NECTIN3: variants seen among roughly 807,000 people sequenced by gnomAD.
The protein encoded by NECTIN3 is nectin-3.
A neutral mutation model predicts 49.4 loss-of-function variants in NECTIN3; 8 were observed. The observed-to-expected ratio is 0.16, with a 90% CI of 0.10 to 0.29. NECTIN3 has a LOEUF of 0.29. NECTIN3 is among the 10% of genes least tolerant of loss of function. The probability of loss-of-function intolerance (pLI) is 1.00; values close to 1 mark genes in which losing one functional copy is unlikely to be tolerated. For synonymous variants in NECTIN3, 277 were observed against 241.1 expected, an observed-to-expected ratio of 1.15 and a Z score of -1.38; for missense variants, 581 against 654.6, an observed-to-expected ratio of 0.89 and a Z score of 1.23.
intron 5 of NECTIN3, among the ~76,000 whole-genome samples, chr3:111,128,416 C>T (rs1445570572): frequency 2.6e-5 from 4 of 151,794 alleles, no homozygotes; most frequent in African/African-American, 9.7e-5. Flanking sequence ...TAAATTTATA[C>T]TCTTTTATCA....
intron 7 of NECTIN3, among the ~76,000 whole-genome samples, chr3:111,164,085 A>G (rs901960096): frequency 1.3e-5 from 2 of 152,180 alleles, no homozygotes; most frequent in Non-Finnish European, 2.9e-5. Flanking sequence ...TTTGTATTTC[A>G]TAATTGATAT....
intron 7 of NECTIN3, among the ~76,000 whole-genome samples, chr3:111,187,293 C>T (rs1455187445): frequency 1.3e-5 from 2 of 152,134 alleles, no homozygotes; most frequent in Non-Finnish European, 1.5e-5. Context: ...GTCCCAGCTA[C>T]TTGGGAGGCT....
rs980069177 is a variant in NECTIN3 at position 111,136,980 on chromosome 3, G to A, written c.*2765G>A. On this transcript the variant is annotated 3_prime_UTR_variant, in exon 6 of 6. Transcript: ENST00000485303. ...GGTTCTATTTGCTAACTCTAATATT[G>A]AGGAAACTATTAAGGTTTTCAGTAG... is the stretch of plus-strand genomic sequence containing the variant. 96 of 977,472 alleles carry A rather than the reference G, an allele frequency of 9.8e-5. No homozygotes were observed. The African/African-American group carries it at 1.4e-3, about 15-fold the overall frequency. The allele number at this position is 977,472 out of a possible 1,614,324, so 60.5% of individuals were successfully genotyped here.
chr3:111,118,632 A>T, intron 2 of NECTIN3, 24 bp from the exon 3 acceptor site: 1 of 1,498,198 alleles, frequency 6.7e-7, no homozygotes, highest in Non-Finnish European at 8.9e-7. Flanking sequence ...AATGTAACTA[A>T]TTATTAAAAA....
chr3:111,122,046 C>T (rs949609020), intron 3 of NECTIN3, 75 bp from the exon 4 acceptor site: 1 of 1,013,544 alleles, frequency 9.9e-7, no homozygotes, highest in African/African-American at 1.6e-5. Flanking sequence ...TGTCTATTAT[C>T]TTAATATTTT....
chr3:111,165,685 G>A (rs145875380), intron 7 of NECTIN3, among the ~76,000 whole-genome samples: 383 of 152,258 alleles, frequency 2.5e-3, no homozygotes, highest in African/African-American at 8.4e-3. Flanking sequence ...TTAAAAAGCC[G>A]TCACAGATAA....
intron 2 of NECTIN3, among the ~76,000 whole-genome samples, chr3:111,113,593 AAT>A (rs1309561969): frequency 6.6e-6 from 1 of 152,206 alleles, no homozygotes; most frequent in Non-Finnish European, 1.5e-5. Context: ...GCTATGGGGA[AAT>A]ATAACTTACA....
At chr3:111,119,116 A>G (rs2033832983) in intron 3 of NECTIN3, among the ~76,000 whole-genome samples, 164 bp downstream of exon 3, 1 of 152,190 alleles carries the variant, frequency 6.6e-6, no homozygotes, top group Non-Finnish European at 1.5e-5. Context: ...TCACTTTTGT[A>G]AAGATGGACA....
chr3:111,136,032 T>C lies in NECTIN3; in HGVS notation c.*1817T>C, dbSNP rs377316183. On this transcript the variant is annotated 3_prime_UTR_variant, in exon 6 of 6. Coordinates refer to ENST00000485303, the MANE Select transcript of NECTIN3 (RefSeq NM_015480.3). Reference sequence around the variant, plus strand: ...AGTGCAAGTTTTTGGAAGAAAACTTTTTGATAAAACACTGTGATTGATGTG... The same window carrying C: ...AGTGCAAGTTTTTGGAAGAAAACTTCTTGATAAAACACTGTGATTGATGTG... 1 of 978,914 alleles carries C rather than the reference T, an allele frequency of 1.0e-6. No individual in the cohort carries two copies. The highest frequency in any genetic ancestry group is 1.8e-5 in the African/African-American group (1 of 57,026). The allele number at this position is 978,914 out of a possible 1,614,324, so 60.6% of individuals were successfully genotyped here.
chr3:111,120,452 T>C (rs1363883087), intron 3 of NECTIN3, among the ~76,000 whole-genome samples: 1 of 152,204 alleles, frequency 6.6e-6, no homozygotes, highest in Non-Finnish European at 1.5e-5. Flanking sequence ...TTTAGAGATA[T>C]CCTCTTGGGA....
chr3:111,105,420 A>G (rs1301703610), intron 1 of NECTIN3, among the ~76,000 whole-genome samples: 1 of 152,160 alleles, frequency 6.6e-6, no homozygotes, highest in Non-Finnish European at 1.5e-5. Context: ...GATGTGAGCC[A>G]CTGCACCCAG....
At chr3:111,089,416 T>TGTGG (rs1281956644) in intron 1 of NECTIN3, among the ~76,000 whole-genome samples, 1 of 145,626 alleles carries the variant, frequency 6.9e-6, no homozygotes, top group African/African-American at 2.4e-5. Flanking sequence ...CGTGTGTGTG[T>TGTGG]GTGTGTGTGT....
intron 1 of NECTIN3, among the ~76,000 whole-genome samples, chr3:111,093,380 G>C (rs1177110431): frequency 6.6e-6 from 1 of 151,450 alleles, no homozygotes; most frequent in East Asian, 1.9e-4. Context: ...TCATGCACAA[G>C]ATTAGAAGCT....
At chr3:111,161,532 T>A (rs920987940) in intron 7 of NECTIN3, among the ~76,000 whole-genome samples, 5 of 152,118 alleles carry the variant, frequency 3.3e-5, no homozygotes, top group African/African-American at 1.2e-4. Context: ...CAGCAGCAGG[T>A]GAGCAGCAGG....
At chr3:111,077,068 C>A in intron 1 of NECTIN3, 2 of 169,498 alleles carry the variant, frequency 1.2e-5, no homozygotes, top group East Asian at 1.6e-4. Flanking sequence ...TTATCAATTA[C>A]AAATTTTAAT....
chr3:111,135,689 T>A lies in NECTIN3; in HGVS notation c.*1474T>A. The A allele has an allele frequency of 1.0e-6, 1 of 959,354 alleles. No individual in the cohort carries two copies. Among genetic ancestry groups the A allele is most frequent in the Non-Finnish European group, 1.2e-6 (1 of 806,422 alleles). The allele number at this position is 959,354 out of a possible 1,614,324, so 59.4% of individuals were successfully genotyped here. ...AAAAGGCAAAGTAGTAGGTACTTTT[T>A]AAACCCTCCCAACCAGCCCTTTCTC... On this transcript the variant is annotated 3_prime_UTR_variant, in exon 6 of 6. Transcript: ENST00000485303.
chr3:111,109,563 T>G (rs1342833752), intron 1 of NECTIN3, among the ~76,000 whole-genome samples: 1 of 152,028 alleles, frequency 6.6e-6, no homozygotes, highest in East Asian at 1.9e-4. Flanking sequence ...GGATCTGTAT[T>G]TTTCCAAGTA....
rs1468675433 is a variant in NECTIN3 at position 111,137,172 on chromosome 3, T to G, written c.*2957T>G. ...TCTGATTTGAGTTTTTGATAAATAC[T>G]GCTAAAACACAGTATATGAACAAGT... On this transcript the variant is annotated 3_prime_UTR_variant, in exon 6 of 6. Coordinates refer to ENST00000485303, the MANE Select transcript of NECTIN3 (RefSeq NM_015480.3). 3.2e-6 allele frequency: 3 copies of G among 944,276 alleles called. No homozygotes were observed. In the Admixed American group the frequency reaches 1.9e-4, roughly 59 times the overall value. The allele number at this position is 944,276 out of a possible 1,614,324, so 58.5% of individuals were successfully genotyped here. A position where few individuals can be genotyped will look rare whatever the true frequency, so the allele number is the denominator to read the frequency against.
In NECTIN3 at chr3:111,164,683, A is replaced by G. The variant is rs558378154; in HGVS notation, c.1221+17199A>G. Among the ~76,000 whole-genome samples, 8 of 152,314 alleles carry G rather than the reference A, an allele frequency of 5.3e-5. No individual in the cohort carries two copies. In the East Asian group the frequency reaches 9.7e-4, roughly 18 times the overall value. Reference sequence around the variant, plus strand: ...GCATTCCCTGGCTTATAATCTTTACATGGTGTTCTTCCTCTCTATAACTAC... The same window carrying G: ...GCATTCCCTGGCTTATAATCTTTACGTGGTGTTCTTCCTCTCTATAACTAC... On this transcript the variant is annotated intron_variant, in intron 7 of 8. Coordinates refer to the NECTIN3 transcript ENST00000493615.
Sources: gnomAD v4.1 joint callset for allele counts (sites outside exome capture counted in the v4.1 genomes callset) on GRCh38, gnomAD v4.1.1 for gene constraint, MANE v1.5 for transcripts, NCBI Gene and HGNC (gene_info 2026-07-23, HGNC 2026-07-21) for gene names.